The following NCOR1 variants were observed in gnomAD, a reference collection of about 807,000 sequenced individuals.
NCOR1 encodes nuclear receptor corepressor 1.
NCOR1 carries 63 observed loss-of-function variants against 288.1 expected under a neutral mutation model. The ratio of observed to expected loss-of-function variants is 0.22; its 90% CI spans 0.18 to 0.27. NCOR1 has a LOEUF of 0.27. Among genes scored for constraint, NCOR1 ranks in the 10% least tolerant of loss-of-function variants. NCOR1 has a pLI of 1.00. For missense variants in NCOR1, 2,397 were observed against 3,019.2 expected (o/e 0.79, Z 4.83); for synonymous variants, 1,007 against 1,065.9 (o/e 0.94, Z 1.08).
chr17:16,087,066 C>T (rs961923613), intron 22 of NCOR1: 60 of 825,452 alleles, frequency 7.3e-5, no homozygotes, highest in Non-Finnish European at 9.3e-5. Flanking sequence ...TCTGAAACAG[C>T]AAGGACACGT....
chr17:16,143,765 T>A, intron 10 of NCOR1, 69 bp from the exon 11 acceptor site: 1 of 1,148,290 alleles, frequency 8.7e-7, no homozygotes, highest in South Asian at 1.5e-5. Context: ...TTAAATTAAC[T>A]ATAGATTACT....
intron 3 of NCOR1, among the ~76,000 whole-genome samples, chr17:16,181,086 G>A (rs1355192694): frequency 6.6e-6 from 1 of 152,128 alleles, no homozygotes; most frequent in African/African-American, 2.4e-5. Context: ...TTGAACCCAG[G>A]AGGTGGAGGT....
intron 19 of NCOR1, among the ~76,000 whole-genome samples, chr17:16,107,449 C>T (rs146747412): frequency 6.6e-6 from 1 of 152,218 alleles, no homozygotes. Flanking sequence ...AGTAACAAGG[C>T]GGTTAGCCAT....
intron 22 of NCOR1, 196 bp downstream of exon 22, chr17:16,091,667 A>C: frequency 1.4e-6 from 2 of 1,399,580 alleles, no homozygotes; most frequent in Non-Finnish European, 1.9e-6. Context: ...TAAAAATGTT[A>C]CTGGCATCCT....
intron 3 of NCOR1, among the ~76,000 whole-genome samples, chr17:16,176,737 T>C (rs2084279533): frequency 2.0e-5 from 3 of 152,104 alleles, no homozygotes; most frequent in African/African-American, 4.8e-5. Context: ...TTCTGCTATG[T>C]AGAAGTTTGT....
intron 30 of NCOR1, 52 bp downstream of exon 30, chr17:16,071,357 T>C: frequency 6.4e-7 from 1 of 1,569,864 alleles, no homozygotes; most frequent in Non-Finnish European, 8.6e-7. Context: ...CACACTTTTT[T>C]AAATGTTCCA....
intron 14 of NCOR1, among the ~76,000 whole-genome samples, 200 bp downstream of exon 14, chr17:16,137,111 C>T (rs1017057341): frequency 1.3e-5 from 2 of 151,942 alleles, no homozygotes; most frequent in African/African-American, 4.8e-5. Context: ...ATAGTAGAAA[C>T]TTAAAATATA....
chr17:16,192,639 G>A (rs2088714944), intron 2 of NCOR1, among the ~76,000 whole-genome samples: 1 of 151,996 alleles, frequency 6.6e-6, no homozygotes, highest in African/African-American at 2.4e-5. Flanking sequence ...CTGGGTGACA[G>A]AGCAAAACTC....
intron 10 of NCOR1, among the ~76,000 whole-genome samples, chr17:16,145,048 C>T (rs139823697): frequency 6.6e-6 from 1 of 152,336 alleles, no homozygotes; most frequent in African/African-American, 2.4e-5. Context: ...TGCAGGTGCA[C>T]GCCACCACGC....
chr17:16,214,054 G>A (rs1226390800), intron 1 of NCOR1, among the ~76,000 whole-genome samples: 1 of 152,016 alleles, frequency 6.6e-6, no homozygotes. Context: ...ACTTCCACCG[G>A]ATGTTAACAG....
chr17:16,076,419 A>C (rs1213415645), intron 26 of NCOR1, among the ~76,000 whole-genome samples: 1 of 152,230 alleles, frequency 6.6e-6, no homozygotes, highest in Non-Finnish European at 1.5e-5. Flanking sequence ...CTTGAAGATG[A>C]GGAGCATAGT....
chr17:16,073,567 T>C lies in NCOR1; in HGVS notation c.3673A>G (p.Ile1225Val). Residue 1225 changes from isoleucine to valine, a missense_variant and splice_region_variant, in exon 28 of 46, where the codon ATT becomes GTT. Transcript: ENST00000268712. The stretch of plus-strand genomic sequence containing the variant: ...CTAGTCCCTTCTCGGGCATTCTTAA[T>C]ATCTACAGAATACACAAACAAGACT... ...KSGHILSYDN[I>V]KNAREGTRSP... The C allele has an allele frequency of 1.2e-6, 2 of 1,605,388 alleles. No individual in the cohort carries two copies. Among genetic ancestry groups the C allele is most frequent in the Non-Finnish European group, 1.7e-6 (2 of 1,176,320 alleles).
intron 1 of NCOR1, among the ~76,000 whole-genome samples, chr17:16,205,109 A>G (rs1049645359): frequency 1.3e-5 from 2 of 151,978 alleles, no homozygotes; most frequent in African/African-American, 4.8e-5. Flanking sequence ...AATCCCAGCT[A>G]CTCAGGAGGC....
At chr17:16,195,008 A>C (rs1434499395) in intron 1 of NCOR1, among the ~76,000 whole-genome samples, 1 of 152,226 alleles carries the variant, frequency 6.6e-6, no homozygotes, top group Non-Finnish European at 1.5e-5. Context: ...TGCGAAAAGA[A>C]TTCAAGAGTA....
intron 45 of NCOR1, among the ~76,000 whole-genome samples, chr17:16,033,250 G>A (rs1480834417): frequency 6.8e-5 from 10 of 147,982 alleles, no homozygotes; most frequent in African/African-American, 2.5e-4. Flanking sequence ...CAGGAGAATC[G>A]CCTGAACCCA....
intron 22 of NCOR1, chr17:16,087,176 C>T (rs938902165): frequency 6.1e-6 from 8 of 1,303,438 alleles, no homozygotes; most frequent in African/African-American, 1.5e-5. Context: ...ATTTACCTGG[C>T]GGGACACTAT....
chr17:16,077,446 A>G (rs1440077913), intron 26 of NCOR1, among the ~76,000 whole-genome samples: 2 of 129,500 alleles, frequency 1.5e-5, no homozygotes, highest in African/African-American at 5.8e-5. Context: ...AGGTAAGGAA[A>G]GGGAAGGAGA....
intron 14 of NCOR1, among the ~76,000 whole-genome samples, chr17:16,127,787 C>G (rs1342105622): frequency 6.7e-6 from 1 of 150,360 alleles, no homozygotes; most frequent in Non-Finnish European, 1.5e-5. Flanking sequence ...GGGTTCGGTA[C>G]TATCTGTGGT....
intron 6 of NCOR1, among the ~76,000 whole-genome samples, chr17:16,154,534 C>G (rs1344387260): frequency 1.3e-5 from 2 of 152,090 alleles, no homozygotes; most frequent in Admixed American, 6.6e-5. Context: ...AAAGACAAAA[C>G]ACGGGGCCAC....
Sources: gnomAD v4.1 joint callset for allele counts (sites outside exome capture counted in the v4.1 genomes callset) on GRCh38, gnomAD v4.1.1 for gene constraint, MANE v1.5 for transcripts, NCBI Gene and HGNC (gene_info 2026-07-23, HGNC 2026-07-21) for gene names.